SSH3: variants seen among roughly 807,000 people sequenced by gnomAD.
SSH3 encodes slingshot protein phosphatase 3.
In SSH3, 67 loss-of-function variants were observed where a neutral mutation model predicts 75.0. The observed-to-expected ratio is 0.89, with a 90% CI of 0.73 to 1.10. The LOEUF (loss-of-function observed/expected upper bound fraction) is 1.10, where lower values mean the gene tolerates loss of function less well. SSH3 is among the 50% of genes least tolerant of loss of function. SSH3 has a pLI of 0.00. For missense variants in SSH3, 824 were observed against 872.7 expected (o/e 0.94, Z 0.70); for synonymous variants, 318 against 349.2 (o/e 0.91, Z 1.00).
chr11:67,308,417 A>C lies in SSH3; in HGVS notation c.1020A>C (p.Ser340=), dbSNP rs1339901317. 4 of 1,611,404 alleles carry C rather than the reference A, an allele frequency of 2.5e-6. No individual in the cohort carries two copies. The highest frequency in any genetic ancestry group is 3.4e-6 in the Non-Finnish European group (4 of 1,178,866). Residue 340 remains serine, a synonymous_variant, in exon 10 of 14, where the codon TCA becomes TCC. Coordinates refer to ENST00000308127, the MANE Select transcript of SSH3 (RefSeq NM_017857.4). This position sits in a 1 kb window ranked among gnomAD's most constrained non-coding sequence, Gnocchi z 4.9. ...TGCTGTTCCCTCTCTCCCAGGGCTCAGAGTGGAACGCAGCAAACCTGGAGG... is the reference window on the plus strand; with the variant it reads ...TGCTGTTCCCTCTCTCCCAGGGCTCCGAGTGGAACGCAGCAAACCTGGAGG... ...SRIFPHLYLG[S]EWNAANLEEL...
Position 67,306,899 on chromosome 11 carries a change from GAGA to G in SSH3, c.404_406del (p.Glu135del). 1 of 1,613,728 alleles carries G rather than the reference GAGA, an allele frequency of 6.2e-7. No homozygotes were observed. The highest frequency in any genetic ancestry group is 8.5e-7 in the Non-Finnish European group (1 of 1,179,726). The stretch of plus-strand genomic sequence containing the variant: ...CGCTACCTGCTGGTAGTTTCTACAC[GAGA>G]AGGAGAAGGTCTGAGCCAGGATGAG... On this transcript the variant is annotated inframe_deletion, in exon 4 of 14. Transcript: ENST00000308127.
intron 1 of SSH3, 44 bp from the exon 2 acceptor site, chr11:67,304,074 G>A: frequency 1.9e-6 from 3 of 1,541,544 alleles, no homozygotes; most frequent in Non-Finnish European, 2.6e-6. Context: ...GGAGGGGACA[G>A]CCCTCCCCGC....
In SSH3 at chr11:67,304,989, G is replaced by A. The variant is rs777502459; in HGVS notation, c.321G>A (p.Pro107=). The A allele has an allele frequency of 1.9e-5, 31 of 1,611,626 alleles. No individual in the cohort carries two copies. The highest frequency in any genetic ancestry group is 1.8e-4 in the Middle Eastern group (1 of 5,712). The change falls in exon 3 of 14, where the codon CCG becomes CCA. Residue 107 remains proline (P), a synonymous_variant. Transcript: ENST00000308127. ...HLHLMVQLLR[P]QDDIRLAAQL... ...ACCTCATGGTACAGCTGCTGAGGCC[G>A]CAGGATGACATCCGCCTGGTGAGGG...
rs1861354366 is a variant in SSH3, at chr11:67,309,643, G to A, written c.1208+100G>A. On this transcript the variant is annotated intron_variant, in intron 11 of 13. Transcript: ENST00000308127. ...GCCATCAGCTGTGCCATTCCTTCCA[G>A]CCCTCAGTGTCCTTCCCTCCTTCTC... 3.2e-6 allele frequency: 5 copies of A among 1,573,916 alleles called. 1 individual carries two copies. The highest frequency in any genetic ancestry group is 2.7e-5 in the African/African-American group (2 of 74,284).
In SSH3 at chr11:67,308,336, G is replaced by A. The variant is rs569385206; in HGVS notation, c.1014+34G>A. The A allele has an allele frequency of 6.8e-6, 11 of 1,613,526 alleles. No homozygotes were observed. The highest frequency in any genetic ancestry group is 3.3e-4 in the Middle Eastern group (2 of 6,058). ...CAGCCAGGCCTGGGCCATGGGGACC[G>A]CTGGCAGCTGTGAGGGCGGCAGGCC... On this transcript the variant is annotated intron_variant, in intron 9 of 13. Coordinates refer to ENST00000308127, the MANE Select transcript of SSH3 (RefSeq NM_017857.4). This position sits in a 1 kb window ranked among gnomAD's most constrained non-coding sequence, Gnocchi z 4.9.
chr11:67,304,683 G>T, intron 2 of SSH3, 90 bp from the exon 3 acceptor site: 1 of 1,312,530 alleles, frequency 7.6e-7, no homozygotes, highest in Non-Finnish European at 1.1e-6. Flanking sequence ...GTAGACAAGG[G>T]CTGCAGGTGA....
At chr11:67,304,498 G>A (rs1271891644) in intron 2 of SSH3, among the ~76,000 whole-genome samples, 1 of 152,246 alleles carries the variant, frequency 6.6e-6, no homozygotes, top group Admixed American at 6.5e-5. Flanking sequence ...ACAGGTGGGA[G>A]GGGAAAAGGA....
Position 67,310,674 on chromosome 11 carries a change from G to A in SSH3, c.1683+335G>A, listed in dbSNP as rs375068916. ...TAGGCACAGGCTGGAGAGGGGTCAC[G>A]GGGGCAGGGCAGGAAGCAGTGCCTG... On this transcript the variant is annotated intron_variant, in intron 13 of 13. Transcript: ENST00000308127. Among the ~76,000 whole-genome samples the A allele has an allele frequency of 1.1e-3, 173 of 152,284 alleles. 1 individual carries two copies. The highest frequency in any genetic ancestry group is 3.9e-3 in the African/African-American group (163 of 41,552).
chr11:67,306,953 CT>C lies in SSH3; in HGVS notation c.456del (p.Asp153ThrfsTer23). The C allele has an allele frequency of 6.2e-7, 1 of 1,612,696 alleles. No individual in the cohort carries two copies. The highest frequency in any genetic ancestry group is 8.5e-7 in the Non-Finnish European group (1 of 1,178,856). On this transcript the variant is annotated frameshift_variant, in exon 4 of 14. Transcript: ENST00000308127. The stretch of plus-strand genomic sequence containing the variant: ...ACGGTCCTCCTGGGCGTGGATTTCC[CT>C]GACAGCAGGTTCGAGCAGGGAGAGG... ...DETVLLGVDF[P>X]DSSSPSCTLG...
At position 67,309,893 on chromosome 11, in the gene SSH3, A is replaced by G; in HGVS notation, c.1334A>G (p.Glu445Gly). 1.9e-6 allele frequency: 3 copies of G among 1,612,018 alleles called. No individual in the cohort carries two copies. The highest frequency in any genetic ancestry group is 1.1e-5 in the South Asian group (1 of 91,086). Reference protein sequence around the residue: ...SLEQALRHVQELRPIARPNPG... With the variant: ...SLEQALRHVQGLRPIARPNPG... ...GAGCAGGCCCTGCGCCACGTGCAGG[A>G]GCTCCGGCCCATCGCCCGCCCCAAC... The change falls in exon 12 of 14, where the codon GAG becomes GGG. Residue 445 changes from glutamate to glycine, a missense_variant. Coordinates refer to ENST00000308127, the MANE Select transcript of SSH3 (RefSeq NM_017857.4).
chr11:67,303,622 C>T lies in SSH3; in HGVS notation c.-4C>T, dbSNP rs1590880429. ...GCCAGCCCAGGTGCTCGCGGCCTGG[C>T]TCCATGGCCCTGGTCACAGTGAGCC... is the stretch of plus-strand genomic sequence containing the variant. On this transcript the variant is annotated 5_prime_UTR_variant, in exon 1 of 14. Coordinates refer to ENST00000308127, the MANE Select transcript of SSH3 (RefSeq NM_017857.4). The T allele has an allele frequency of 1.3e-6, 2 of 1,517,666 alleles. No individual in the cohort carries two copies. The highest frequency in any genetic ancestry group is 1.8e-6 in the Non-Finnish European group (2 of 1,139,304). The allele number at this position is 1,517,666 out of a possible 1,614,324, so 94.0% of individuals were successfully genotyped here. A position where few individuals can be genotyped will look rare whatever the true frequency, so the allele number is the denominator to read the frequency against.
In SSH3 at chr11:67,308,472, C is replaced by A; in HGVS notation, c.1061+14C>A. The A allele has an allele frequency of 6.4e-7, 1 of 1,569,964 alleles. No homozygotes were observed. The highest frequency in any genetic ancestry group is 8.6e-7 in the Non-Finnish European group (1 of 1,158,166). ...GCAGAGGAACAGGTAGGGCTATGAG[C>A]CCCTCGGGCCACCCACCCCATCTTC... is the stretch of plus-strand genomic sequence containing the variant. On this transcript the variant is annotated intron_variant, in intron 10 of 13. Transcript: ENST00000308127. The surrounding 1 kb of genome is among the most constrained non-coding windows in gnomAD (Gnocchi z 4.9).
At chr11:67,304,547 GC>G (rs1861175218) in intron 2 of SSH3, among the ~76,000 whole-genome samples, 1 of 152,252 alleles carries the variant, frequency 6.6e-6, no homozygotes, top group Non-Finnish European at 1.5e-5. Flanking sequence ...GAGTAGAGGG[GC>G]TGAGAGCTTG....
chr11:67,308,106 C>T lies in SSH3; in HGVS notation c.886-68C>T. 1 of 1,589,712 alleles carries T rather than the reference C, an allele frequency of 6.3e-7. No individual in the cohort carries two copies. The highest frequency in any genetic ancestry group is 1.1e-5 in the South Asian group (1 of 87,156). On this transcript the variant is annotated intron_variant, in intron 8 of 13. Coordinates refer to ENST00000308127, the MANE Select transcript of SSH3 (RefSeq NM_017857.4). This position sits in a 1 kb window ranked among gnomAD's most constrained non-coding sequence, Gnocchi z 4.9. ...GATAGGGTGCTGTCCTCAGAGGTCC[C>T]AGAGGGAAGGTGGCAGGTTGGGCAC...
chr11:67,312,007 AGCCTCACCTCCCACCCCTGTCACTACG>A lies in SSH3; in HGVS notation c.*147_*173del, dbSNP rs767603775. 18,291 of 1,342,244 alleles carry A rather than the reference AGCCTCACCTCCCACCCCTGTCACTACG, an allele frequency of 0.014. 1,139 individuals carry two copies. The Admixed American group carries it at 0.21, about 15-fold the overall frequency. The allele number at this position is 1,342,244 out of a possible 1,614,324, so 83.1% of individuals were successfully genotyped here. A position where few individuals can be genotyped will look rare whatever the true frequency, so the allele number is the denominator to read the frequency against. ...AGCTCCGCCCCATACCCGTCACTAC[AGCCTCACCTCCCACCCCTGTCACTACG>A]GCCTCACCTCCCACCCCTGTCACTA... On this transcript the variant is annotated 3_prime_UTR_variant, in exon 14 of 14. Coordinates refer to ENST00000308127, the MANE Select transcript of SSH3 (RefSeq NM_017857.4).
At chr11:67,305,779 G>A (rs1855412456) in intron 3 of SSH3, among the ~76,000 whole-genome samples, 1 of 152,150 alleles carries the variant, frequency 6.6e-6, no homozygotes, top group Non-Finnish European at 1.5e-5. Context: ...GGGAGTCCAG[G>A]TGGAGCTGGA....
At chr11:67,311,234 C>T (rs1001366629) in intron 13 of SSH3, among the ~76,000 whole-genome samples, 5 of 152,266 alleles carry the variant, frequency 3.3e-5, no homozygotes, top group East Asian at 1.9e-4. Context: ...GGGCTGGTGC[C>T]GGCACGGGTT....
At chr11:67,304,662 C>T in intron 2 of SSH3, 111 bp from the exon 3 acceptor site, 1 of 1,121,822 alleles carries the variant, frequency 8.9e-7, no homozygotes, top group Non-Finnish European at 1.3e-6. Flanking sequence ...CGTGGGGGCC[C>T]ATGAATCCGT....
In SSH3 at chr11:67,309,759, C is replaced by T; in HGVS notation, c.1209-9C>T. The T allele has an allele frequency of 1.2e-6, 2 of 1,612,354 alleles. No homozygotes were observed. ...AGGGGAGGGTGCTGAACCTGGCCTG[C>T]TTCCACAGAGCACAGGGCACCCACG... On this transcript the variant is annotated splice_polypyrimidine_tract_variant and intron_variant, in intron 11 of 13. Transcript: ENST00000308127.
Sources: gnomAD v4.1 joint callset for allele counts (sites outside exome capture counted in the v4.1 genomes callset) on GRCh38, gnomAD v4.1.1 for gene constraint, Gnocchi (gnomAD v3.1) non-coding constraint, MANE v1.5 for transcripts, NCBI Gene and HGNC (gene_info 2026-07-23, HGNC 2026-07-21) for gene names.